The following ZNF732 variants were observed in gnomAD, a reference collection of about 807,000 sequenced individuals.
ZNF732 encodes the protein zinc finger protein 732, also known as zinc finger protein LOC654254.
ZNF732 carries 12 observed loss-of-function variants against 11.5 expected under a neutral mutation model. That is an observed-to-expected ratio of 1.05 (90% CI 0.67 to 1.70). The LOEUF (loss-of-function observed/expected upper bound fraction) is 1.70, where lower values mean the gene tolerates loss of function less well. ZNF732 is among the 40% of genes most tolerant of loss of function. ZNF732 has a pLI of 0.00. For missense variants in ZNF732, 702 were observed against 676.9 expected, an observed-to-expected ratio of 1.04 and a Z score of -0.41; for synonymous variants, 231 against 236.5, an observed-to-expected ratio of 0.98 and a Z score of 0.21.
intron 3 of ZNF732, among the ~76,000 whole-genome samples, chr4:288,773 G>C (rs553696423): frequency 9.2e-5 from 14 of 152,270 alleles, no homozygotes; most frequent in Admixed American, 3.3e-4. Context: ...CAAAAAGTAG[G>C]CTGGGCGCAG....
chr4:286,141 T>C (rs1272416024), intron 3 of ZNF732, among the ~76,000 whole-genome samples: 1 of 152,246 alleles, frequency 6.6e-6, no homozygotes, highest in Non-Finnish European at 1.5e-5. Context: ...TATTTTGCAT[T>C]AATATAACAA....
At position 270,921 on chromosome 4, in the gene ZNF732, T is replaced by G; in HGVS notation, c.*178A>C. 1 of 753,126 alleles carries G rather than the reference T, an allele frequency of 1.3e-6. No individual in the cohort carries two copies. Among genetic ancestry groups the G allele is most frequent in the Admixed American group, 2.1e-5 (1 of 48,500 alleles). 46.7% of individuals were successfully genotyped at this position (753,126 alleles called of 1,614,324 possible). ...CGGACTGTTTGAAGGCTTTCCCACATTCTTTACATTTGTAGGGTTTTTCTC... is the reference window on the plus strand; with the variant it reads ...CGGACTGTTTGAAGGCTTTCCCACAGTCTTTACATTTGTAGGGTTTTTCTC... On this transcript the variant is annotated 3_prime_UTR_variant, in exon 4 of 4. Transcript: ENST00000419098.
chr4:297,490 T>C (rs1581546752), intron 1 of ZNF732, among the ~76,000 whole-genome samples: 1 of 151,736 alleles, frequency 6.6e-6, no homozygotes, highest in Admixed American at 6.6e-5. Flanking sequence ...TTTCCTACAA[T>C]TGATTTGTTT....
In ZNF732 at chr4:270,754, T is replaced by G. The variant is rs1456886540; in HGVS notation, c.*345A>C. 4.3e-6 allele frequency: 2 copies of G among 469,704 alleles called. No individual in the cohort carries two copies. The highest frequency in any genetic ancestry group is 4.1e-6 in the Non-Finnish European group (1 of 245,806). 29.1% of individuals were successfully genotyped at this position (469,704 alleles called of 1,614,324 possible). ...GGACCGTTTATAGGCTTTCCCACAT[T>G]CTTTACATTTGTAGGATTCATCTCC... On this transcript the variant is annotated 3_prime_UTR_variant, in exon 4 of 4. Transcript: ENST00000419098.
chr4:278,553 A>G (rs1219674299), intron 3 of ZNF732, among the ~76,000 whole-genome samples: 2 of 152,258 alleles, frequency 1.3e-5, no homozygotes, highest in African/African-American at 4.8e-5. Context: ...GTGAGCCCCC[A>G]GCACTGTTTC....
At chr4:295,741 G>A (rs1553842164) in intron 2 of ZNF732, among the ~76,000 whole-genome samples, 1 of 152,040 alleles carries the variant, frequency 6.6e-6, no homozygotes, top group Non-Finnish European at 1.5e-5. Context: ...AAAATAAGCG[G>A]TGCAAATTGT....
chr4:299,371 G>GTA lies in ZNF732; in HGVS notation c.4-3218_4-3217dup, dbSNP rs782754403. ...TATATACACATATATACACATATGT[G>GTA]TATATATATATACACATATGTACAC... On this transcript the variant is annotated intron_variant, in intron 1 of 3. Coordinates refer to ENST00000419098, the MANE Select transcript of ZNF732 (RefSeq NM_001137608.3). Among the ~76,000 whole-genome samples, 523 of 60,838 alleles carry GTA rather than the reference G, an allele frequency of 8.6e-3. 22 individuals carry two copies. Among genetic ancestry groups the GTA allele is most frequent in the South Asian group, 0.016 (31 of 1,898 alleles). The allele number at this position is 60,838 out of a possible 152,430, so 39.9% of individuals were successfully genotyped here.
chr4:293,673 G>C (rs1377673680), intron 3 of ZNF732, among the ~76,000 whole-genome samples: 1 of 152,010 alleles, frequency 6.6e-6, no homozygotes, highest in East Asian at 1.9e-4. Context: ...CTTACAATTT[G>C]CTACAACAGT....
intron 1 of ZNF732, among the ~76,000 whole-genome samples, chr4:300,253 G>C (rs1354392177): frequency 1.3e-5 from 2 of 150,564 alleles, no homozygotes; most frequent in African/African-American, 4.9e-5. Flanking sequence ...AAGAGGTCAG[G>C]AGATTGAGAC....
In ZNF732 at chr4:271,692, G is replaced by A; in HGVS notation, c.1165C>T (p.Pro389Ser). Residue 389 changes from proline (P) to serine (S), a missense_variant, in exon 4 of 4, where the codon CCC (proline) becomes TCC (serine). By Grantham distance (74) the Pro-to-Ser change is moderately conservative. Transcript: ENST00000419098. The part of the protein sequence containing the change: ...KHKSIHTGEK[P>S]YTCEECGKAF... Reference sequence around the variant, plus strand: ...TTTCCACATTCTTCACATGTGTAGGGTTTCTCTCCAGTATGAATACTCTTA... The same window carrying A: ...TTTCCACATTCTTCACATGTGTAGGATTTCTCTCCAGTATGAATACTCTTA... 2 of 1,612,676 alleles carry A rather than the reference G, an allele frequency of 1.2e-6. No individual in the cohort carries two copies. Among genetic ancestry groups the A allele is most frequent in the South Asian group, 1.1e-5 (1 of 90,924 alleles).
At chr4:272,726 G>C in intron 3 of ZNF732, 96 bp from the exon 4 acceptor site, 1 of 1,180,024 alleles carries the variant, frequency 8.5e-7, no homozygotes, top group Non-Finnish European at 1.1e-6. Flanking sequence ...ACATTAGTAA[G>C]ATGGCATAAC....
chr4:280,351 G>GAAA (rs1719596404), intron 3 of ZNF732, among the ~76,000 whole-genome samples: 1 of 150,214 alleles, frequency 6.7e-6, no homozygotes, highest in African/African-American at 2.4e-5. Flanking sequence ...CAGCACTTTG[G>GAAA]AAGGCTGAGG....
chr4:296,282 G>A (rs1719950637), intron 1 of ZNF732, 127 bp from the exon 2 acceptor site: 1 of 1,268,696 alleles, frequency 7.9e-7, no homozygotes, highest in Admixed American at 2.8e-5. Flanking sequence ...ACACAGTAAT[G>A]TTCTCTAAAG....
At chr4:300,967 C>G (rs1720103912) in intron 1 of ZNF732, among the ~76,000 whole-genome samples, 1 of 152,136 alleles carries the variant, frequency 6.6e-6, no homozygotes, top group Non-Finnish European at 1.5e-5. Flanking sequence ...TTGCAATCTA[C>G]TCATCTGACA....
intron 1 of ZNF732, among the ~76,000 whole-genome samples, chr4:300,961 A>T (rs1000876669): frequency 1.6e-4 from 24 of 152,238 alleles, no homozygotes; most frequent in African/African-American, 5.8e-4. Flanking sequence ...AAATTTTTGC[A>T]ATCTACTCAT....
At chr4:294,334 ACT>A (rs1719902769) in intron 3 of ZNF732, among the ~76,000 whole-genome samples, 1 of 152,222 alleles carries the variant, frequency 6.6e-6, no homozygotes. Flanking sequence ...ACGTTGCTTC[ACT>A]TCGTTTCCAA....
In ZNF732 at chr4:271,747, G is replaced by C. The variant is rs782229067; in HGVS notation, c.1110C>G (p.Ala370=). ...TATTAAGGGTTGCGGATTGTCTAAA[G>C]GCTTTGCCACATTGTTCACATTTGT... ...KPYKCEQCGK[A]FRQSATLNKH... Residue 370 remains alanine, a synonymous_variant, in exon 4 of 4, where the codon GCC becomes GCG. Coordinates refer to ENST00000419098, the MANE Select transcript of ZNF732 (RefSeq NM_001137608.3). 1.4e-5 allele frequency: 22 copies of C among 1,611,866 alleles called. No individual in the cohort carries two copies. Among genetic ancestry groups the C allele is most frequent in the Non-Finnish European group, 1.8e-5 (21 of 1,178,746 alleles).
At chr4:304,844 G>C (rs1370824091) in intron 1 of ZNF732, among the ~76,000 whole-genome samples, 17 of 152,208 alleles carry the variant, frequency 1.1e-4, no homozygotes, top group Non-Finnish European at 2.2e-4. Context: ...CCTCACAAAA[G>C]CTTTTCCTTC....
intron 1 of ZNF732, among the ~76,000 whole-genome samples, chr4:296,881 A>G (rs1330514470): frequency 6.6e-6 from 1 of 152,208 alleles, no homozygotes; most frequent in Non-Finnish European, 1.5e-5. Context: ...ACAAGACCAC[A>G]AATCATCATC....
Sources: gnomAD v4.1 joint callset for allele counts (sites outside exome capture counted in the v4.1 genomes callset) on GRCh38, gnomAD v4.1.1 for gene constraint, MANE v1.5 for transcripts, NCBI Gene and HGNC (gene_info 2026-07-23, HGNC 2026-07-21) for gene names.